PTPN6: variants seen among roughly 807,000 people sequenced by gnomAD.
The protein encoded by PTPN6 is protein tyrosine phosphatase non-receptor type 6, also known as tyrosine-protein phosphatase non-receptor type 6.
A neutral mutation model predicts 81.5 loss-of-function variants in PTPN6; 18 were observed. The ratio of observed to expected loss-of-function variants is 0.22; its 90% CI spans 0.15 to 0.33. The LOEUF is 0.33. PTPN6 is among the 10% of genes least tolerant of loss of function. The pLI, the probability that PTPN6 is intolerant of heterozygous loss-of-function variation, is 1.00. For synonymous variants in PTPN6, 301 were observed against 310.9 expected (o/e 0.97, Z 0.33); for missense variants, 500 against 794.2 (o/e 0.63, Z 4.45).
rs1946053333 is a variant in PTPN6, at chr12:6,957,556, T to C, written c.1075-98T>C. ...GCCCATCCGTCCATCCAACAAATGT[T>C]TGGGCCGGTGCCAGGCACTCAGAAC... On this transcript the variant is annotated intron_variant, in intron 9 of 15. Transcript: ENST00000318974. The surrounding 1 kb of genome is among the most constrained non-coding windows in gnomAD (Gnocchi z 6.5). 3 of 1,465,550 alleles carry C rather than the reference T, an allele frequency of 2.0e-6. No individual in the cohort carries two copies. The highest frequency in any genetic ancestry group is 1.9e-5 in the Admixed American group (1 of 52,678). 90.8% of individuals were successfully genotyped at this position (1,465,550 alleles called of 1,614,324 possible).
Position 6,955,250 on chromosome 12 carries a change from T to C in PTPN6, c.616T>C (p.Phe206Leu), listed in dbSNP as rs1555148406. Residue 206 changes from phenylalanine to leucine, a missense_variant, in exon 5 of 16, where the codon TTT becomes CTT. By Grantham distance (22) the Phe-to-Leu change is conservative. Coordinates refer to ENST00000318974, the MANE Select transcript of PTPN6 (RefSeq NM_002831.6). This position sits in a 1 kb window ranked among gnomAD's most constrained non-coding sequence, Gnocchi z 7.2. ...GGGGATTGAGGAGGCCTCAGGCGCCTTTGTCTACCTGCGGCAGGTCAGGGG... is the reference window on the plus strand; with the variant it reads ...GGGGATTGAGGAGGCCTCAGGCGCCCTTGTCTACCTGCGGCAGGTCAGGGG... Reference protein sequence around the residue: ...KTGIEEASGAFVYLRQPYYAT... With the variant: ...KTGIEEASGALVYLRQPYYAT... 3 of 1,614,114 alleles carry C rather than the reference T, an allele frequency of 1.9e-6. No individual in the cohort carries two copies.
In PTPN6 at chr12:6,960,268, G is replaced by GGC. The variant is rs782353882; in HGVS notation, c.1581+30_1581+31insCG. 5.0e-6 allele frequency: 8 copies of GGC among 1,606,636 alleles called. No homozygotes were observed. Among genetic ancestry groups the GGC allele is most frequent in the South Asian group, 4.4e-5 (4 of 90,814 alleles). ...CGTGCAGAGCAGGGCCTGGGGGGGG[G>GGC]GGGGGCTGCAGTGCAGGATGGGTGC... On this transcript the variant is annotated intron_variant, in intron 13 of 15. Transcript: ENST00000318974. This position sits in a 1 kb window ranked among gnomAD's most constrained non-coding sequence, Gnocchi z 6.1.
chr12:6,950,946 G>A (rs1028954155), upstream of PTPN6, among the ~76,000 whole-genome samples: 1 of 152,190 alleles, frequency 6.6e-6, no homozygotes, highest in Non-Finnish European at 1.5e-5. Context: ...CAAGGCATGT[G>A]AACGCCATTA....
chr12:6,960,058 G>T lies in PTPN6; in HGVS notation c.1430-30G>T. 6.2e-7 allele frequency: 1 copy of T among 1,613,262 alleles called. No homozygotes were observed. The highest frequency in any genetic ancestry group is 8.5e-7 in the Non-Finnish European group (1 of 1,179,956). ...AGCCCCTCGGTGTCCGCCTATGCCTGGACCTGAGGTTTGACTGCCCCCCAC... is the reference window on the plus strand; with the variant it reads ...AGCCCCTCGGTGTCCGCCTATGCCTTGACCTGAGGTTTGACTGCCCCCCAC... On this transcript the variant is annotated intron_variant, in intron 12 of 15. Coordinates refer to ENST00000318974, the MANE Select transcript of PTPN6 (RefSeq NM_002831.6). This position sits in a 1 kb window ranked among gnomAD's most constrained non-coding sequence, Gnocchi z 6.1.
rs1555148378 is a variant in PTPN6, at chr12:6,955,175, T to C, written c.541T>C (p.Leu181=). The part of the protein sequence containing the change: ...CEGGRYTVGG[L]ETFDSLTDLV... ...GGGTGGACGCTACACAGTGGGTGGT[T>C]TGGAGACCTTCGACAGCCTCACGGA... Residue 181 remains leucine, a synonymous_variant, in exon 5 of 16, where the codon TTG becomes CTG. Coordinates refer to ENST00000318974, the MANE Select transcript of PTPN6 (RefSeq NM_002831.6). This position sits in a 1 kb window ranked among gnomAD's most constrained non-coding sequence, Gnocchi z 7.2. The C allele has an allele frequency of 2.5e-6, 4 of 1,613,992 alleles. No homozygotes were observed. The African/African-American group carries it at 4.0e-5, about 16-fold the overall frequency.
chr12:6,957,966 C>T lies in PTPN6; in HGVS notation c.1254C>T (p.Pro418=), dbSNP rs1555149020. The change falls in exon 11 of 16, where the codon CCC becomes CCT. Residue 418 remains proline, a synonymous_variant. Transcript: ENST00000318974. This position sits in a 1 kb window ranked among gnomAD's most constrained non-coding sequence, Gnocchi z 6.5. ...EIWHYQYLSW[P]DHGVPSEPGG... is the part of the protein sequence containing the mutation. ...GGCATTACCAGTACCTGAGCTGGCC[C>T]GACCATGGGGTCCCCAGTGAGCCTG... 12 of 1,613,756 alleles carry T rather than the reference C, an allele frequency of 7.4e-6. No homozygotes were observed. Among genetic ancestry groups the T allele is most frequent in the East Asian group, 2.2e-5 (1 of 44,888 alleles).
In PTPN6 at chr12:6,960,265, G is replaced by C. The variant is rs374706005; in HGVS notation, c.1581+26G>C. 1.7e-4 allele frequency: 277 copies of C among 1,606,876 alleles called. 1 individual carries two copies. The highest frequency in any genetic ancestry group is 3.8e-4 in the African/African-American group (28 of 74,518). On this transcript the variant is annotated intron_variant, in intron 13 of 15. Transcript: ENST00000318974. This position sits in a 1 kb window ranked among gnomAD's most constrained non-coding sequence, Gnocchi z 6.1. ...GTGCGTGCAGAGCAGGGCCTGGGGG[G>C]GGGGGGGGCTGCAGTGCAGGATGGG...
Position 6,960,049 on chromosome 12 carries a change from C to T in PTPN6, c.1430-39C>T, listed in dbSNP as rs1565585045. On this transcript the variant is annotated intron_variant, in intron 12 of 15. Coordinates refer to ENST00000318974, the MANE Select transcript of PTPN6 (RefSeq NM_002831.6). This position sits in a 1 kb window ranked among gnomAD's most constrained non-coding sequence, Gnocchi z 6.1. Reference sequence around the variant, plus strand: ...GGGGTGAGCAGCCCCTCGGTGTCCGCCTATGCCTGGACCTGAGGTTTGACT... The same window carrying T: ...GGGGTGAGCAGCCCCTCGGTGTCCGTCTATGCCTGGACCTGAGGTTTGACT... 1 of 1,613,044 alleles carries T rather than the reference C, an allele frequency of 6.2e-7. No homozygotes were observed. The highest frequency in any genetic ancestry group is 1.7e-5 in the Admixed American group (1 of 60,026).
In PTPN6 at chr12:6,957,795, C is replaced by T. The variant is rs1591690533; in HGVS notation, c.1206+10C>T. Reference sequence around the variant, plus strand: ...CTCCCCGCTGGACAATGTGAGTGGCCCCCACGCCCTGCCCCATTCCGGGAG... The same window carrying T: ...CTCCCCGCTGGACAATGTGAGTGGCTCCCACGCCCTGCCCCATTCCGGGAG... On this transcript the variant is annotated intron_variant, in intron 10 of 15. Transcript: ENST00000318974. This position sits in a 1 kb window ranked among gnomAD's most constrained non-coding sequence, Gnocchi z 6.5. 7 of 1,614,088 alleles carry T rather than the reference C, an allele frequency of 4.3e-6. No homozygotes were observed. The East Asian group carries it at 1.6e-4, about 36-fold the overall frequency.
Position 6,952,385 on chromosome 12 carries a change from C to T in PTPN6, c.326+208C>T. On this transcript the variant is annotated intron_variant, in intron 3 of 15. Coordinates refer to ENST00000318974, the MANE Select transcript of PTPN6 (RefSeq NM_002831.6). This position sits in a 1 kb window ranked among gnomAD's most constrained non-coding sequence, Gnocchi z 8.1. The stretch of plus-strand genomic sequence containing the variant: ...CTAACCTACCACCCTTTCCACCTAA[C>T]CCCGAGGAAGCCACAGAAAGCTGCC... The T allele has an allele frequency of 6.3e-6, 4 of 638,936 alleles. No individual in the cohort carries two copies. Among genetic ancestry groups the T allele is most frequent in the Non-Finnish European group, 1.1e-5 (4 of 372,426 alleles). 39.6% of individuals were successfully genotyped at this position (638,936 alleles called of 1,614,324 possible).
At chr12:6,948,557 A>G (rs1355751623), upstream of PTPN6, among the ~76,000 whole-genome samples, 4 of 151,884 alleles carry the variant, frequency 2.6e-5, no homozygotes, top group East Asian at 1.9e-4. Flanking sequence ...AAGAAAGAAA[A>G]GAAAGGAAAG....
chr12:6,955,712 G>C lies in PTPN6; in HGVS notation c.800G>C (p.Arg267Pro), dbSNP rs781848123. Residue 267 changes from arginine to proline, a missense_variant, in exon 7 of 16, where the codon CGG becomes CCG. By Grantham distance (103) the Arg-to-Pro change is moderately radical. Around this residue, in one of 6 missense-constraint regions of PTPN6, gnomAD observed 96 missense variants for 137.3 expected, o/e 0.70. Coordinates refer to ENST00000318974, the MANE Select transcript of PTPN6 (RefSeq NM_002831.6). This position sits in a 1 kb window ranked among gnomAD's most constrained non-coding sequence, Gnocchi z 7.2. ...TTGCACCAGCGTCTGGAAGGGCAGC[G>C]GCCAGAGAACAAGGGCAAGAACCGC... The part of the protein sequence containing the change: ...KNLHQRLEGQ[R>P]PENKGKNRYK... 1 of 1,613,958 alleles carries C rather than the reference G, an allele frequency of 6.2e-7. No individual in the cohort carries two copies. Among genetic ancestry groups the C allele is most frequent in the Non-Finnish European group, 8.5e-7 (1 of 1,179,990 alleles).
chr12:6,956,118 C>T lies in PTPN6; in HGVS notation c.845-24C>T, dbSNP rs10744724. ...AGTCCCTGGCTAACCCAGACCATCT[C>T]GCCTCCTCTCCGCCCACTCCCAGTT... On this transcript the variant is annotated intron_variant, in intron 7 of 15. Coordinates refer to ENST00000318974, the MANE Select transcript of PTPN6 (RefSeq NM_002831.6). This position sits in a 1 kb window ranked among gnomAD's most constrained non-coding sequence, Gnocchi z 4.1. The T allele has an allele frequency of 0.92, 1,480,520 of 1,613,190 alleles. 687,730 individuals carry two copies. The highest frequency in any genetic ancestry group is 0.96 in the South Asian group (87,433 of 91,062).
rs1305399437 is a variant in PTPN6 at position 6,954,518 on chromosome 12, G to A, written c.327-287G>A. Among the ~76,000 whole-genome samples the A allele has an allele frequency of 2.6e-5, 4 of 152,230 alleles. No homozygotes were observed. Among genetic ancestry groups the A allele is most frequent in the Non-Finnish European group, 5.9e-5 (4 of 68,050 alleles). The stretch of plus-strand genomic sequence containing the variant: ...GCTGTAACCGCGCCACTGCACTCCA[G>A]CCTGGGCAACAGAGCTCTGGAAGCT... On this transcript the variant is annotated intron_variant, in intron 3 of 15. Transcript: ENST00000318974. This position sits in a 1 kb window ranked among gnomAD's most constrained non-coding sequence, Gnocchi z 5.4.
chr12:6,957,549 C>T lies in PTPN6; in HGVS notation c.1075-105C>T. The T allele has an allele frequency of 5.6e-6, 8 of 1,438,328 alleles. No individual in the cohort carries two copies. Among genetic ancestry groups the T allele is most frequent in the Non-Finnish European group, 7.6e-6 (8 of 1,051,324 alleles). 89.1% of individuals were successfully genotyped at this position (1,438,328 alleles called of 1,614,324 possible). A position where few individuals can be genotyped will look rare whatever the true frequency, so the allele number is the denominator to read the frequency against. On this transcript the variant is annotated intron_variant, in intron 9 of 15. Transcript: ENST00000318974. The surrounding 1 kb of genome is among the most constrained non-coding windows in gnomAD (Gnocchi z 6.5). ...TCTGCCAGCCCATCCGTCCATCCAA[C>T]AAATGTTTGGGCCGGTGCCAGGCAC...
rs1270713882 is a variant in PTPN6 at position 6,960,812 on chromosome 12, G to A, written c.1680G>A (p.Lys560=). The part of the protein sequence containing the change: ...AKASRTSSKH[K]EDVYENLHTK... ...CCCCTGCACCCGGCTGCAGACACAA[G>A]GAGGATGTGTATGAGAACCTGCACA... is the stretch of plus-strand genomic sequence containing the variant. Residue 560 remains lysine (K), a synonymous_variant, in exon 15 of 16, where the codon AAG becomes AAA. Coordinates refer to ENST00000318974, the MANE Select transcript of PTPN6 (RefSeq NM_002831.6). This position sits in a 1 kb window ranked among gnomAD's most constrained non-coding sequence, Gnocchi z 6.1. The A allele has an allele frequency of 6.4e-7, 1 of 1,564,272 alleles. No homozygotes were observed. Among genetic ancestry groups the A allele is most frequent in the Non-Finnish European group, 8.7e-7 (1 of 1,153,824 alleles).
rs1287106823 is a variant in PTPN6 at position 6,952,903 on chromosome 12, A to T, written c.326+726A>T. On this transcript the variant is annotated intron_variant, in intron 3 of 15. Transcript: ENST00000318974. This position sits in a 1 kb window ranked among gnomAD's most constrained non-coding sequence, Gnocchi z 8.1. ...CACCATGGCTCCTTTCAGCAGCCGC[A>T]TCTCAATGCCAGATCCCCTTAGAGT... is the stretch of plus-strand genomic sequence containing the variant. 2 of 152,872 alleles carry T rather than the reference A, an allele frequency of 1.3e-5. No individual in the cohort carries two copies. The highest frequency in any genetic ancestry group is 3.8e-4 in the East Asian group (2 of 5,198). 9.5% of individuals were successfully genotyped at this position (152,872 alleles called of 1,614,324 possible).
chr12:6,960,153 G>A lies in PTPN6; in HGVS notation c.1495G>A (p.Val499Met). 6.2e-7 allele frequency: 1 copy of A among 1,613,692 alleles called. No individual in the cohort carries two copies. Residue 499 changes from valine to methionine, a missense_variant, in exon 13 of 16, where the codon GTG becomes ATG. Coordinates refer to ENST00000318974, the MANE Select transcript of PTPN6 (RefSeq NM_002831.6). This position sits in a 1 kb window ranked among gnomAD's most constrained non-coding sequence, Gnocchi z 6.1. Reference sequence around the variant, plus strand: ...GGTGCGGGCGCAGCGCTCGGGCATGGTGCAGACGGAGGCGCAGTACAAGTT... The same window carrying A: ...GGTGCGGGCGCAGCGCTCGGGCATGATGCAGACGGAGGCGCAGTACAAGTT... ...QMVRAQRSGM[V>M]QTEAQYKFIY...
Position 6,956,337 on chromosome 12 carries a change from G to A in PTPN6, c.925-82G>A. On this transcript the variant is annotated intron_variant, in intron 8 of 15. Transcript: ENST00000318974. The surrounding 1 kb of genome is among the most constrained non-coding windows in gnomAD (Gnocchi z 4.1). ...AAGCCGAAGCTGGCTTCTTGCATGG[G>A]TGAGGGTGGCAGTGGTTCAGGGCCT... The A allele has an allele frequency of 1.9e-6, 3 of 1,612,018 alleles. No individual in the cohort carries two copies. The highest frequency in any genetic ancestry group is 4.5e-5 in the East Asian group (2 of 44,884).
Sources: allele counts gnomAD v4.1 joint callset (sites outside exome capture counted in the v4.1 genomes callset), GRCh38; gene constraint gnomAD v4.1.1; regional missense constraint gnomAD v4.1.1; non-coding constraint Gnocchi (gnomAD v3.1); transcripts MANE v1.5; gene names NCBI Gene and HGNC (gene_info 2026-07-23, HGNC 2026-07-21).